PPP1R12A: variants seen among roughly 807,000 people sequenced by gnomAD.
The protein encoded by PPP1R12A is protein phosphatase 1 regulatory subunit 12A.
Under a neutral mutation model 139.6 loss-of-function variants are expected in PPP1R12A, and 19 were observed. The observed-to-expected ratio is 0.14, with a 90% confidence interval of 0.09 to 0.20. PPP1R12A has a LOEUF of 0.20. Ranked by LOEUF, PPP1R12A falls within the 10% of genes least tolerant of loss-of-function variation. The pLI is 1.00. For synonymous variants in PPP1R12A, 427 were observed against 420.6 expected, an observed-to-expected ratio of 1.02 and a Z score of -0.19; for missense variants, 925 against 1,211.5, an observed-to-expected ratio of 0.76 and a Z score of 3.51.
At chr12:79,838,704 G>A (rs1878366856) in intron 3 of PPP1R12A, among the ~76,000 whole-genome samples, 2 of 152,224 alleles carry the variant, frequency 1.3e-5, no homozygotes, top group Non-Finnish European at 2.9e-5. Context: ...GCTTCCATGT[G>A]GTGTTGGGAC....
At chr12:79,863,834 TA>T (rs1218634952) in intron 2 of PPP1R12A, among the ~76,000 whole-genome samples, 1 of 152,080 alleles carries the variant, frequency 6.6e-6, no homozygotes, top group East Asian at 1.9e-4. Flanking sequence ...CCCAGATACA[TA>T]AAGCAAGTTC....
chr12:79,785,313 G>T (rs1334510071), intron 22 of PPP1R12A, among the ~76,000 whole-genome samples: 1 of 152,180 alleles, frequency 6.6e-6, no homozygotes, highest in African/African-American at 2.4e-5. Context: ...CTGAACCCTA[G>T]AAGTTTGGCA....
intron 24 of PPP1R12A, among the ~76,000 whole-genome samples, chr12:79,776,555 T>A (rs1241283067): frequency 6.6e-6 from 1 of 152,034 alleles, no homozygotes; most frequent in South Asian, 2.1e-4. Flanking sequence ...CGATCCCAGA[T>A]AGATGCTTAT....
intron 3 of PPP1R12A, among the ~76,000 whole-genome samples, chr12:79,843,609 AAAATAT>A (rs1415492528): frequency 1.5e-5 from 2 of 134,662 alleles, no homozygotes; most frequent in Non-Finnish European, 3.3e-5. Flanking sequence ...GTCTCAAAAA[AAAATAT>A]AGATATAGAT....
intron 22 of PPP1R12A, chr12:79,782,512 A>G: frequency 2.2e-6 from 1 of 447,058 alleles, no homozygotes; most frequent in South Asian, 1.6e-5. Flanking sequence ...AAGCTGATGA[A>G]ATCCTGATAT....
At chr12:79,908,958 GTAGCTT>G (rs1042626081) in intron 1 of PPP1R12A, among the ~76,000 whole-genome samples, 1 of 152,176 alleles carries the variant, frequency 6.6e-6, no homozygotes, top group African/African-American at 2.4e-5. Context: ...CCCCATTGGG[GTAGCTT>G]TAGGAGATAA....
chr12:79,851,836 C>T (rs1214388168), intron 2 of PPP1R12A, among the ~76,000 whole-genome samples: 1 of 152,168 alleles, frequency 6.6e-6, no homozygotes, highest in Non-Finnish European at 1.5e-5. Flanking sequence ...CTCTGCTGTT[C>T]AGATTTGGCA....
At chr12:79,811,336 A>C (rs962473747) in intron 9 of PPP1R12A, among the ~76,000 whole-genome samples, 29 of 152,164 alleles carry the variant, frequency 1.9e-4, no homozygotes, top group African/African-American at 7.0e-4. Flanking sequence ...CTCAGTTCCT[A>C]AAATGTGCAC....
chr12:79,917,983 C>T (rs943954518), intron 1 of PPP1R12A, among the ~76,000 whole-genome samples: 5 of 152,050 alleles, frequency 3.3e-5, no homozygotes, highest in Admixed American at 2.0e-4. Flanking sequence ...ACTACCACTC[C>T]TTTATTCCTC....
chr12:79,912,461 G>A (rs1886650923), intron 1 of PPP1R12A, among the ~76,000 whole-genome samples: 1 of 152,090 alleles, frequency 6.6e-6, no homozygotes, highest in Non-Finnish European at 1.5e-5. Flanking sequence ...GAAGGCCAAG[G>A]CGGGAGGATC....
chr12:79,830,501 A>C (rs1877291758), intron 4 of PPP1R12A, among the ~76,000 whole-genome samples: 1 of 152,210 alleles, frequency 6.6e-6, no homozygotes, highest in Non-Finnish European at 1.5e-5. Flanking sequence ...GTAAAAAAAC[A>C]AATTCCTAGA....
chr12:79,935,266 G>A (rs566388655), upstream of PPP1R12A: 289 of 1,106,398 alleles, frequency 2.6e-4, no homozygotes, highest in East Asian at 5.3e-3. Flanking sequence ...CCCGCCCCAG[G>A]AAGAGCGCTC....
At chr12:79,888,841 A>G (rs892876392) in intron 1 of PPP1R12A, among the ~76,000 whole-genome samples, 1 of 152,186 alleles carries the variant, frequency 6.6e-6, no homozygotes, top group African/African-American at 2.4e-5. Flanking sequence ...CCCCTAACCA[A>G]TAGGCTACAC....
intron 1 of PPP1R12A, among the ~76,000 whole-genome samples, chr12:79,883,151 AAAC>A (rs1883801451): frequency 6.6e-6 from 1 of 152,096 alleles, no homozygotes. Context: ...AAAACAAACA[AAAC>A]AAAACAAAAA....
Position 79,865,429 on chromosome 12 carries a change from C to T in PPP1R12A, c.368+7379G>A, listed in dbSNP as rs183905621. 4.6e-5 allele frequency among the ~76,000 whole-genome samples: 7 copies of T among 152,304 alleles called. No individual in the cohort carries two copies. In the East Asian group the frequency reaches 5.8e-4, roughly 13 times the overall value. On this transcript the variant is annotated intron_variant, in intron 2 of 24. Coordinates refer to ENST00000450142, the MANE Select transcript of PPP1R12A (RefSeq NM_002480.3). The stretch of plus-strand genomic sequence containing the variant: ...GCCACAAGACAAGGATCCCCTCTCT[C>T]GTCACTCCTTTTCAACATAGTATTG...
intron 3 of PPP1R12A, among the ~76,000 whole-genome samples, chr12:79,838,615 C>T (rs1878355835): frequency 1.3e-5 from 2 of 152,206 alleles, no homozygotes; most frequent in Admixed American, 6.5e-5. Flanking sequence ...TGTGTCCCAG[C>T]TACTCCAGCC....
intron 1 of PPP1R12A, among the ~76,000 whole-genome samples, chr12:79,918,221 T>G (rs563955498): frequency 1.3e-5 from 2 of 151,798 alleles, no homozygotes; most frequent in East Asian, 3.9e-4. Context: ...TCATAAATTG[T>G]TTTCTACTTG....
intron 1 of PPP1R12A, among the ~76,000 whole-genome samples, chr12:79,906,068 A>C (rs1205163882): frequency 6.6e-6 from 1 of 152,208 alleles, no homozygotes; most frequent in Non-Finnish European, 1.5e-5. Flanking sequence ...TATGCATCAA[A>C]ATATTCATCA....
intron 19 of PPP1R12A, among the ~76,000 whole-genome samples, chr12:79,791,461 G>A (rs1282677487): frequency 6.6e-6 from 1 of 152,044 alleles, no homozygotes; most frequent in South Asian, 2.1e-4. Flanking sequence ...TAGTTAGCTG[G>A]GACTACAGGC....
Sources: allele counts gnomAD v4.1 joint callset (sites outside exome capture counted in the v4.1 genomes callset), GRCh38; gene constraint gnomAD v4.1.1; transcripts MANE v1.5; gene names NCBI Gene and HGNC (gene_info 2026-07-23, HGNC 2026-07-21).